GFM1: variants seen among roughly 807,000 people sequenced by gnomAD.
GFM1 encodes the protein elongation factor G, mitochondrial.
Under a neutral mutation model 96.2 loss-of-function variants are expected in GFM1, and 62 were observed. The ratio of observed to expected loss-of-function variants is 0.64; its 90% confidence interval spans 0.53 to 0.80. The LOEUF (loss-of-function observed/expected upper bound fraction) is 0.80. GFM1 is among the 30% of genes least tolerant of loss of function. The pLI is 0.00. For missense variants in GFM1, 852 were observed against 916.6 expected (o/e 0.93, Z 0.91); for synonymous variants, 282 against 312.9 (o/e 0.90, Z 1.04).
intron 13 of GFM1, among the ~76,000 whole-genome samples, chr3:158,678,997 C>T (rs1044095532): frequency 7.2e-5 from 11 of 152,138 alleles, no homozygotes; most frequent in Non-Finnish European, 1.6e-4. Context: ...TAGTGAGACC[C>T]ATCTCTAAAA....
At chr3:158,677,202 G>A (rs572983794) in intron 13 of GFM1, among the ~76,000 whole-genome samples, 1 of 152,276 alleles carries the variant, frequency 6.6e-6, no homozygotes, top group African/African-American at 2.4e-5. Context: ...CCATATAATT[G>A]TATATGTTTT....
chr3:158,676,825 G>A (rs1363433004), intron 13 of GFM1, among the ~76,000 whole-genome samples: 4 of 151,212 alleles, frequency 2.6e-5, no homozygotes, highest in Admixed American at 1.3e-4. Context: ...TCAGCTTCCC[G>A]AGTAGCTAGG....
chr3:158,672,269 A>C (rs1576768334), intron 13 of GFM1: 3 of 1,562,706 alleles, frequency 1.9e-6, no homozygotes, highest in Non-Finnish European at 2.6e-6. Context: ...GAGTGTCTGC[A>C]CCCAAAGGCT....
chr3:158,669,863 C>CT (rs1338696016), intron 13 of GFM1, among the ~76,000 whole-genome samples: 6 of 152,112 alleles, frequency 3.9e-5, no homozygotes, highest in African/African-American at 1.4e-4. Flanking sequence ...AGTCTTAAAA[C>CT]TTTCAGTATA....
intron 16 of GFM1, 58 bp downstream of exon 16, chr3:158,690,381 G>A (rs1287987449): frequency 1.3e-6 from 2 of 1,540,498 alleles, no homozygotes; most frequent in African/African-American, 2.7e-5. Context: ...GGAAATCCAG[G>A]TTAGCTTTTG....
At position 158,646,205 on chromosome 3, in the gene GFM1, T is replaced by C. The variant is rs1285047793; in HGVS notation, c.275T>C (p.Met92Thr). The change falls in exon 3 of 18, where the codon ATG (methionine) becomes ACG (threonine). Residue 92 changes from methionine (M) to threonine (T), a missense_variant. Transcript: ENST00000486715. ...KDGVGAVMDS[M>T]ELERQRGITI... ...GGAGTTGGTGCTGTCATGGATTCCA[T>C]GGAACTAGAGAGACAAAGAGGAATC... is the stretch of plus-strand genomic sequence containing the variant. The C allele has an allele frequency of 6.2e-7, 1 of 1,613,978 alleles. No homozygotes were observed. Among genetic ancestry groups the C allele is most frequent in the African/African-American group, 1.3e-5 (1 of 74,926 alleles).
At chr3:158,644,781 G>T in intron 1 of GFM1, 66 bp downstream of exon 1, 1 of 1,370,766 alleles carries the variant, frequency 7.3e-7, no homozygotes, top group South Asian at 1.2e-5. Flanking sequence ...TCTGGGCAAT[G>T]GAAGGCCGTG....
In GFM1 at chr3:158,693,987, T is replaced by C. The variant is rs558082367; in HGVS notation, c.*2520T>C. ...TCATATTGTATTCTTTTGTGTGATA[T>C]TAGAGTTTGGTTTTTTTGTTTAACA... On this transcript the variant is annotated 3_prime_UTR_variant, in exon 18 of 18. Transcript: ENST00000486715. 2.0e-5 allele frequency among the ~76,000 whole-genome samples: 3 copies of C among 152,150 alleles called. No homozygotes were observed. The highest frequency in any genetic ancestry group is 4.4e-5 in the Non-Finnish European group (3 of 68,014).
chr3:158,676,040 A>G (rs1302005837), intron 13 of GFM1, among the ~76,000 whole-genome samples: 1 of 152,186 alleles, frequency 6.6e-6, no homozygotes, highest in Non-Finnish European at 1.5e-5. Flanking sequence ...TGTGAGGCTG[A>G]GGTGGGAAGA....
intron 8 of GFM1, among the ~76,000 whole-genome samples, chr3:158,655,355 A>G (rs1722659140): frequency 6.6e-6 from 1 of 152,008 alleles, no homozygotes; most frequent in Admixed American, 6.5e-5. Context: ...ATGGTGGCGG[A>G]CACCTGTAAT....
intron 12 of GFM1, 33 bp downstream of exon 12, chr3:158,665,507 A>C (rs974055532): frequency 6.4e-7 from 1 of 1,563,426 alleles, no homozygotes; most frequent in African/African-American, 1.4e-5. Flanking sequence ...AGTTGAAATC[A>C]ATTTATTACT....
Position 158,694,081 on chromosome 3 carries a change from A to G in GFM1, c.*2614A>G, listed in dbSNP as rs1188936061. 6.6e-6 allele frequency among the ~76,000 whole-genome samples: 1 copy of G among 152,082 alleles called. No homozygotes were observed. The highest frequency in any genetic ancestry group is 1.5e-5 in the Non-Finnish European group (1 of 68,008). On this transcript the variant is annotated 3_prime_UTR_variant, in exon 18 of 18. Coordinates refer to ENST00000486715, the MANE Select transcript of GFM1 (RefSeq NM_024996.7). Reference sequence around the variant, plus strand: ...CATCTGACTCAGCAATACCATTACTATATACCCAAAGGAACGTAAATCATT... The same window carrying G: ...CATCTGACTCAGCAATACCATTACTGTATACCCAAAGGAACGTAAATCATT...
intron 13 of GFM1, chr3:158,667,005 A>G: frequency 6.3e-7 from 1 of 1,595,888 alleles, no homozygotes; most frequent in Non-Finnish European, 8.5e-7. Flanking sequence ...GGTAAATTAT[A>G]CTTTACCTGA....
rs1726481079 is a variant in GFM1 at position 158,694,499 on chromosome 3, A to T, written c.*3032A>T. ...AATGGGTACTAGGCTTAATACCTTG[A>T]TGATGAAATAATCTGTACAACAAAC... On this transcript the variant is annotated 3_prime_UTR_variant, in exon 18 of 18. Transcript: ENST00000486715. Among the ~76,000 whole-genome samples the T allele has an allele frequency of 6.6e-6, 1 of 152,144 alleles. No homozygotes were observed. Among genetic ancestry groups the T allele is most frequent in the African/African-American group, 2.4e-5 (1 of 41,456 alleles).
intron 3 of GFM1, 123 bp downstream of exon 3, chr3:158,646,420 T>C (rs773835614): frequency 1.0e-5 from 11 of 1,056,558 alleles, no homozygotes; most frequent in South Asian, 1.4e-5. Context: ...TGAATTCCTA[T>C]TAAAGAAGAC....
rs1287797973 is a variant in GFM1, at chr3:158,694,612, G to A, written c.*3145G>A. 6.6e-6 allele frequency among the ~76,000 whole-genome samples: 1 copy of A among 152,174 alleles called. No homozygotes were observed. Among genetic ancestry groups the A allele is most frequent in the Non-Finnish European group, 1.5e-5 (1 of 68,028 alleles). On this transcript the variant is annotated 3_prime_UTR_variant, in exon 18 of 18. Transcript: ENST00000486715. ...GGGGTCTCGCTGTGTTTCCCAGGCT[G>A]CTCACAAATTCATGAGCTCAAGCAG...
intron 13 of GFM1, chr3:158,667,089 A>G: frequency 6.4e-7 from 1 of 1,572,962 alleles, no homozygotes; most frequent in Non-Finnish European, 8.6e-7. Flanking sequence ...GACAAAAAAT[A>G]AAAACGTGTT....
chr3:158,666,067 A>C (rs1468631759), intron 12 of GFM1, among the ~76,000 whole-genome samples: 1 of 152,212 alleles, frequency 6.6e-6, no homozygotes, highest in Non-Finnish European at 1.5e-5. Flanking sequence ...TAGTGGTTAG[A>C]TTAATTGGAG....
chr3:158,651,959 T>C (rs111248847), intron 5 of GFM1, 137 bp from the exon 6 acceptor site: 5 of 713,476 alleles, frequency 7.0e-6, no homozygotes, highest in African/African-American at 1.8e-5. Context: ...ATTAGTCTTA[T>C]TTGCCATTTG....
Sources: allele counts gnomAD v4.1 joint callset (sites outside exome capture counted in the v4.1 genomes callset), GRCh38; gene constraint gnomAD v4.1.1; transcripts MANE v1.5; gene names NCBI Gene and HGNC (gene_info 2026-07-23, HGNC 2026-07-21).